The following LGR6 variants were observed in gnomAD, a reference collection of about 807,000 sequenced individuals.
The protein encoded by LGR6 is leucine rich repeat containing G protein-coupled receptor 6.
LGR6 carries 45 observed loss-of-function variants against 69.4 expected under a neutral mutation model. That is an observed-to-expected ratio of 0.65 (90% CI 0.51 to 0.83). The LOEUF is 0.83. LGR6 is among the 40% of genes least tolerant of loss of function. LGR6 has a pLI of 0.00. For missense variants in LGR6, 1,108 were observed against 1,246.7 expected (o/e 0.89, Z 1.68); for synonymous variants, 538 against 555.0 (o/e 0.97, Z 0.43).
intron 4 of LGR6, 157 bp from the exon 5 acceptor site, chr1:202,276,149 G>A (rs539164674): frequency 4.2e-5 from 25 of 602,146 alleles, no homozygotes; most frequent in African/African-American, 2.6e-4. Flanking sequence ...ATGGGAACTC[G>A]AAGAGGCGGG....
At chr1:202,305,222 C>G (rs1667896477) in intron 11 of LGR6, among the ~76,000 whole-genome samples, 1 of 152,174 alleles carries the variant, frequency 6.6e-6, no homozygotes, top group Admixed American at 6.5e-5. Context: ...GTCCTGTCCC[C>G]TCTGTGGGCC....
chr1:202,214,282 T>A, intron 1 of LGR6: 1 of 1,496,182 alleles, frequency 6.7e-7, no homozygotes, highest in Admixed American at 2.5e-5. Context: ...GTTCCACAGG[T>A]CCTCCGCAGC....
chr1:202,244,781 C>T (rs1662508662), intron 4 of LGR6, among the ~76,000 whole-genome samples: 1 of 152,120 alleles, frequency 6.6e-6, no homozygotes, highest in Non-Finnish European at 1.5e-5. Context: ...CACTACAAGG[C>T]GAGGAGGGAA....
rs751417882 is a variant in LGR6, at chr1:202,235,922, G to A, written c.357G>A (p.Leu119=). Residue 119 remains leucine (L), a splice_region_variant and synonymous_variant, in exon 4 of 18, where the codon CTG becomes CTA. Transcript: ENST00000367278. ...TAAAGCCCTTTCTCTTCTCCCGTAGGATGCTGCAGAACAATCAGCTGGGAG... is the reference window on the plus strand; with the variant it reads ...TAAAGCCCTTTCTCTTCTCCCGTAGAATGCTGCAGAACAATCAGCTGGGAG... ...AFSGLYSLKI[L]MLQNNQLGGI... 3 of 1,613,992 alleles carry A rather than the reference G, an allele frequency of 1.9e-6. No homozygotes were observed. Among genetic ancestry groups the A allele is most frequent in the Non-Finnish European group, 1.7e-6 (2 of 1,179,960 alleles).
chr1:202,295,885 G>A (rs1226584024), intron 6 of LGR6, among the ~76,000 whole-genome samples: 4 of 143,340 alleles, frequency 2.8e-5, no homozygotes, highest in Non-Finnish European at 6.0e-5. Context: ...GTGTGTGTGT[G>A]TGTGTGTGTG....
intron 16 of LGR6, among the ~76,000 whole-genome samples, chr1:202,314,290 C>T (rs184111894): frequency 4.9e-4 from 74 of 152,264 alleles, no homozygotes; most frequent in African/African-American, 1.6e-3. Context: ...AGTTAAACAC[C>T]GCCCAGTTGC....
intron 4 of LGR6, among the ~76,000 whole-genome samples, chr1:202,242,065 C>T (rs1021373212): frequency 1.3e-5 from 2 of 152,106 alleles, no homozygotes; most frequent in East Asian, 1.9e-4. Flanking sequence ...GCTCGTGGGC[C>T]GGGGAAGGCA....
chr1:202,305,873 T>G, intron 12 of LGR6, 124 bp downstream of exon 12: 2 of 820,514 alleles, frequency 2.4e-6, no homozygotes, highest in Non-Finnish European at 4.1e-6. Flanking sequence ...TCCTTCTCTT[T>G]TCTGAGTTTG....
intron 4 of LGR6, among the ~76,000 whole-genome samples, chr1:202,244,633 T>C (rs891023512): frequency 2.6e-5 from 4 of 152,126 alleles, no homozygotes; most frequent in East Asian, 1.9e-4. Flanking sequence ...ATACTTATCA[T>C]TGGATTTAGG....
Position 202,318,904 on chromosome 1 carries a change from C to A in LGR6, c.2601C>A (p.Thr867=). ...GELEKSSCDS[T]QALVAFSDVD... ...TGGAGAAGAGCTCCTGTGATTCTACCCAGGCCCTGGTAGCCTTCTCTGATG... is the reference window on the plus strand; with the variant it reads ...TGGAGAAGAGCTCCTGTGATTCTACACAGGCCCTGGTAGCCTTCTCTGATG... Residue 867 remains threonine (T), a synonymous_variant, in exon 18 of 18, where the codon ACC becomes ACA. Transcript: ENST00000367278. 1 of 1,614,104 alleles carries A rather than the reference C, an allele frequency of 6.2e-7. No individual in the cohort carries two copies. Among genetic ancestry groups the A allele is most frequent in the African/African-American group, 1.3e-5 (1 of 75,072 alleles).
intron 1 of LGR6, among the ~76,000 whole-genome samples, chr1:202,215,483 C>A (rs1374820127): frequency 1.3e-5 from 2 of 152,112 alleles, no homozygotes; most frequent in African/African-American, 4.8e-5. Flanking sequence ...GCCCACATAC[C>A]TCCACACACA....
intron 4 of LGR6, among the ~76,000 whole-genome samples, chr1:202,254,463 C>A (rs1341629828): frequency 2.0e-5 from 3 of 152,198 alleles, no homozygotes; most frequent in African/African-American, 7.2e-5. Context: ...CCACCCCTGA[C>A]CTCAGGAATG....
At chr1:202,203,100 T>C (rs191926250) in intron 1 of LGR6, among the ~76,000 whole-genome samples, 1 of 152,236 alleles carries the variant, frequency 6.6e-6, no homozygotes, top group Admixed American at 6.5e-5. Context: ...ATGAAGTGCT[T>C]CTTTGTATAG....
rs141589488 is a variant in LGR6 at position 202,295,714 on chromosome 1, G to A, written c.717-1794G>A. The stretch of plus-strand genomic sequence containing the variant: ...TGACCACATCCTTCACACAGCCTGT[G>A]GGAGCCTCTCTGTGAGCAAATCAAC... On this transcript the variant is annotated intron_variant, in intron 6 of 17. Coordinates refer to ENST00000367278, the MANE Select transcript of LGR6 (RefSeq NM_001017403.2). Among the ~76,000 whole-genome samples the A allele has an allele frequency of 1.8e-3, 279 of 152,282 alleles. 2 individuals carry two copies. The highest frequency in any genetic ancestry group is 7.3e-3 in the South Asian group (35 of 4,824).
intron 1 of LGR6, among the ~76,000 whole-genome samples, chr1:202,215,357 G>A (rs1199395840): frequency 6.6e-6 from 1 of 152,142 alleles, no homozygotes; most frequent in African/African-American, 2.4e-5. Context: ...GGAGCTCAGG[G>A]ATTTCCATGC....
At chr1:202,274,863 G>A (rs921236952) in intron 4 of LGR6, among the ~76,000 whole-genome samples, 10 of 152,322 alleles carry the variant, frequency 6.6e-5, no homozygotes, top group African/African-American at 2.4e-4. Context: ...TGATGTGGGT[G>A]GGAAGTCTTT....
intron 4 of LGR6, among the ~76,000 whole-genome samples, chr1:202,272,366 C>T (rs1441542268): frequency 1.3e-5 from 2 of 152,144 alleles, no homozygotes; most frequent in East Asian, 1.9e-4. Context: ...CAGTCCTGGC[C>T]GATTTCTTCC....
Position 202,309,088 on chromosome 1 carries a change from G to T in LGR6, c.1318G>T (p.Ala440Ser). 6.2e-7 allele frequency: 1 copy of T among 1,614,118 alleles called. No individual in the cohort carries two copies. Among genetic ancestry groups the T allele is most frequent in the Non-Finnish European group, 8.5e-7 (1 of 1,179,992 alleles). ...TDNQLTTLPLAGLGGLMHLKL... is the reference protein window; with the variant it reads ...TDNQLTTLPLSGLGGLMHLKL... ...CAACCAGCTGACCACACTGCCCCTGGCTGGACTTGGGGGCTTGATGCATCT... is the reference window on the plus strand; with the variant it reads ...CAACCAGCTGACCACACTGCCCCTGTCTGGACTTGGGGGCTTGATGCATCT... Residue 440 changes from alanine to serine, a missense_variant, in exon 15 of 18, where the codon GCT (alanine) becomes TCT (serine). Transcript: ENST00000367278.
At chr1:202,294,294 T>A (rs550292425) in intron 6 of LGR6, among the ~76,000 whole-genome samples, 3 of 152,352 alleles carry the variant, frequency 2.0e-5, no homozygotes, top group Admixed American at 6.5e-5. Flanking sequence ...TAAACAAATA[T>A]ATGTCAGGTG....
Sources: gnomAD v4.1 joint callset for allele counts (sites outside exome capture counted in the v4.1 genomes callset) on GRCh38, gnomAD v4.1.1 for gene constraint, MANE v1.5 for transcripts, NCBI Gene and HGNC (gene_info 2026-07-23, HGNC 2026-07-21) for gene names.